Variants in CPNE4 observed in about 807,000 individuals in gnomAD.
CPNE4 encodes the protein copine-4.
In CPNE4, 25 loss-of-function variants were observed where a neutral mutation model predicts 67.9. That is an observed-to-expected ratio of 0.37 (90% CI 0.27 to 0.51). The LOEUF is 0.51. Among genes scored for constraint, CPNE4 ranks in the 20% least tolerant of loss-of-function variants. CPNE4 has a pLI of 0.93. For missense variants in CPNE4, 464 were observed against 690.8 expected (o/e 0.67, Z 3.68); for synonymous variants, 242 against 244.9 (o/e 0.99, Z 0.11).
At position 131,693,220 on chromosome 3, in the gene CPNE4, A is replaced by C. The variant is rs1468918639; in HGVS notation, c.507+3322T>G. On this transcript the variant is annotated intron_variant, in intron 5 of 15. Coordinates refer to ENST00000429747, the MANE Select transcript of CPNE4 (RefSeq NM_130808.3). ...CTTAGTGCTTTCCCATATACCCTAT[A>C]ACAGGGGTTCTCAAACTTTTGGTCT... Among the ~76,000 whole-genome samples the C allele has an allele frequency of 1.3e-5, 2 of 152,168 alleles. 1 individual carries two copies. Among genetic ancestry groups the C allele is most frequent in the African/African-American group, 4.8e-5 (2 of 41,448 alleles).
intron 1 of CPNE4, among the ~76,000 whole-genome samples, chr3:131,909,287 A>G (rs1055732242): frequency 3.3e-5 from 5 of 152,134 alleles, no homozygotes; most frequent in Non-Finnish European, 5.9e-5. Context: ...TTATTCTTCA[A>G]TCAGTGTTCT....
At chr3:131,733,661 C>T (rs1274293709) in intron 2 of CPNE4, among the ~76,000 whole-genome samples, 1 of 152,102 alleles carries the variant, frequency 6.6e-6, no homozygotes, top group East Asian at 1.9e-4. Context: ...TGCAGTCACT[C>T]GAACTTGCAG....
chr3:131,669,107 C>G (rs1394362452), intron 7 of CPNE4, among the ~76,000 whole-genome samples: 7 of 152,088 alleles, frequency 4.6e-5, no homozygotes, highest in Non-Finnish European at 1.0e-4. Context: ...CCAAGCTGGC[C>G]TGGGGATGAT....
At chr3:131,956,505 G>C (rs1246282873) in intron 1 of CPNE4, among the ~76,000 whole-genome samples, 7 of 152,218 alleles carry the variant, frequency 4.6e-5, no homozygotes, top group Admixed American at 4.6e-4. Flanking sequence ...TGAAACAGAA[G>C]AGCATACTCA....
At chr3:131,977,101 C>T (rs1381102930) in intron 1 of CPNE4, among the ~76,000 whole-genome samples, 1 of 152,076 alleles carries the variant, frequency 6.6e-6, no homozygotes, top group East Asian at 1.9e-4. Flanking sequence ...AGCCCAGCCA[C>T]ATTATCATTC....
chr3:131,923,704 C>CAAAAAA lies in CPNE4; in HGVS notation c.-1-18266_-1-18261dup, dbSNP rs3041574. 9.1e-3 allele frequency among the ~76,000 whole-genome samples: 357 copies of CAAAAAA among 39,274 alleles called. 12 individuals are homozygous for CAAAAAA. The highest frequency in any genetic ancestry group is 0.012 in the Non-Finnish European group (293 of 24,676). The allele number at this position is 39,274 out of a possible 152,430, so 25.8% of individuals were successfully genotyped here. ...TGGGTGACAGAGCTAGACTCCGTCT[C>CAAAAAA]AAAAAAAAAAAAAAAAAAAAAAAAA... On this transcript the variant is annotated intron_variant, in intron 1 of 15. Transcript: ENST00000429747.
At chr3:131,789,660 T>C (rs2083663028) in intron 2 of CPNE4, among the ~76,000 whole-genome samples, 1 of 152,210 alleles carries the variant, frequency 6.6e-6, no homozygotes, top group Non-Finnish European at 1.5e-5. Context: ...GCATTTAATG[T>C]AAAACACCAC....
At chr3:131,922,296 C>T (rs1241338785) in intron 1 of CPNE4, among the ~76,000 whole-genome samples, 1 of 152,120 alleles carries the variant, frequency 6.6e-6, no homozygotes, top group African/African-American at 2.4e-5. Flanking sequence ...TGTATATGTA[C>T]CACACTTTCT....
chr3:131,568,918 C>T (rs1340068817), intron 10 of CPNE4, among the ~76,000 whole-genome samples: 1 of 152,006 alleles, frequency 6.6e-6, no homozygotes, highest in African/African-American at 2.4e-5. Flanking sequence ...CCTTTGGGAC[C>T]ACATTCTTGG....
chr3:131,585,157 A>G (rs1319830576), intron 8 of CPNE4, among the ~76,000 whole-genome samples: 1 of 152,178 alleles, frequency 6.6e-6, no homozygotes, highest in East Asian at 1.9e-4. Context: ...TCTTTTCTAT[A>G]TGCACACTTT....
chr3:131,843,472 T>C (rs1453143642), intron 2 of CPNE4, among the ~76,000 whole-genome samples: 2 of 152,210 alleles, frequency 1.3e-5, no homozygotes, highest in African/African-American at 4.8e-5. Context: ...AGCGTTTACA[T>C]TGAAAGTGTG....
intron 1 of CPNE4, among the ~76,000 whole-genome samples, chr3:132,024,433 A>C (rs1583613676): frequency 1.3e-5 from 2 of 152,138 alleles, no homozygotes; most frequent in African/African-American, 4.8e-5. Flanking sequence ...GTGGATCAAA[A>C]GTTTGAGCAC....
intron 1 of CPNE4, among the ~76,000 whole-genome samples, chr3:131,999,241 T>TAAAAAAAAA (rs79127364): frequency 0.027 from 2,704 of 98,636 alleles, 299 homozygotes; most frequent in African/African-American, 0.051. Context: ...TTATCCAAGG[T>TAAAAAAAAA]AAAAAAAAAA....
At chr3:131,769,002 G>A (rs1365644315) in intron 2 of CPNE4, among the ~76,000 whole-genome samples, 1 of 152,170 alleles carries the variant, frequency 6.6e-6, no homozygotes, top group Admixed American at 6.6e-5. Context: ...CTGGCACGAG[G>A]ATGTGAAGTT....
At chr3:131,889,891 G>T (rs1472406787) in intron 2 of CPNE4, among the ~76,000 whole-genome samples, 1 of 152,098 alleles carries the variant, frequency 6.6e-6, no homozygotes, top group Non-Finnish European at 1.5e-5. Flanking sequence ...ATGTCCATGT[G>T]CAAAAGAATG....
At chr3:131,814,459 C>CGT (rs2084651731) in intron 2 of CPNE4, among the ~76,000 whole-genome samples, 1 of 151,862 alleles carries the variant, frequency 6.6e-6, no homozygotes, top group Non-Finnish European at 1.5e-5. Flanking sequence ...GCGTTCCTAC[C>CGT]GTGTGTACAG....
chr3:131,786,735 A>G (rs1287809055), intron 2 of CPNE4, among the ~76,000 whole-genome samples: 5 of 152,214 alleles, frequency 3.3e-5, no homozygotes, highest in Non-Finnish European at 5.9e-5. Flanking sequence ...AATGGTACAA[A>G]TAATGTACAA....
intron 7 of CPNE4, among the ~76,000 whole-genome samples, chr3:131,629,561 C>T (rs2079167561): frequency 6.6e-6 from 1 of 152,082 alleles, no homozygotes; most frequent in Non-Finnish European, 1.5e-5. Flanking sequence ...TCTCATACTT[C>T]AGTCTCTCAA....
intron 2 of CPNE4, among the ~76,000 whole-genome samples, chr3:131,850,735 T>G (rs1181724769): frequency 2.0e-5 from 3 of 152,082 alleles, no homozygotes; most frequent in African/African-American, 7.2e-5. Flanking sequence ...ATATGCTGGG[T>G]AGTATTTTCA....
Sources: gnomAD v4.1 joint callset for allele counts (sites outside exome capture counted in the v4.1 genomes callset) on GRCh38, gnomAD v4.1.1 for gene constraint, MANE v1.5 for transcripts, NCBI Gene and HGNC (gene_info 2026-07-23, HGNC 2026-07-21) for gene names.